Variants in COL4A2 observed in about 807,000 individuals in gnomAD.
COL4A2 encodes the protein collagen alpha-2(IV) chain.
In COL4A2, 99 loss-of-function variants were observed where a neutral mutation model predicts 200.2. The ratio of observed to expected loss-of-function variants is 0.49; its 90% CI spans 0.42 to 0.58. The LOEUF (loss-of-function observed/expected upper bound fraction) is 0.58, where lower values mean the gene tolerates loss of function less well. COL4A2 is among the 20% of genes least tolerant of loss of function. The pLI is 0.00. For synonymous variants in COL4A2, 897 were observed against 900.6 expected, an observed-to-expected ratio of 1.00 and a Z score of 0.07; for missense variants, 1,950 against 2,314.1, an observed-to-expected ratio of 0.84 and a Z score of 3.23.
intron 26 of COL4A2, 132 bp from the exon 27 acceptor site, chr13:110,466,908 C>A: frequency 1.8e-6 from 2 of 1,092,428 alleles, no homozygotes; most frequent in South Asian, 1.5e-5. Context: ...TGAATTAAAT[C>A]ATTAAGTTAC....
intron 4 of COL4A2, among the ~76,000 whole-genome samples, chr13:110,424,517 A>G (rs1451593165): frequency 7.2e-6 from 1 of 139,462 alleles, no homozygotes; most frequent in East Asian, 2.2e-4. Context: ...GTAATTTAGG[A>G]TAATTTTTTT....
At chr13:110,394,901 G>T (rs1000861299) in intron 4 of COL4A2, among the ~76,000 whole-genome samples, 3 of 152,144 alleles carry the variant, frequency 2.0e-5, no homozygotes. Context: ...TTTCAATTCA[G>T]AACAAATTCA....
chr13:110,438,121 G>C (rs901394991), intron 14 of COL4A2, 84 bp downstream of exon 14: 22 of 1,134,148 alleles, frequency 1.9e-5, no homozygotes, highest in Non-Finnish European at 2.6e-5. Context: ...TGCACCATGC[G>C]CTCGGGGCCC....
At chr13:110,399,270 C>G (rs1879289362) in intron 4 of COL4A2, among the ~76,000 whole-genome samples, 1 of 152,206 alleles carries the variant, frequency 6.6e-6, no homozygotes, top group African/African-American at 2.4e-5. Flanking sequence ...AAATCTTGTT[C>G]CTCCCGTAAG....
chr13:110,368,850 G>C (rs774148046), intron 4 of COL4A2, among the ~76,000 whole-genome samples: 2 of 814 alleles, frequency 2.5e-3, no homozygotes, highest in East Asian at 0.077. Flanking sequence ...CAAAGAAAAG[G>C]GGGGGGGGGG....
Position 110,478,075 on chromosome 13 carries a change from G to A in COL4A2, c.2498G>A (p.Gly833Asp). 1 of 1,609,216 alleles carries A rather than the reference G, an allele frequency of 6.2e-7. No homozygotes were observed. Among genetic ancestry groups the A allele is most frequent in the Non-Finnish European group, 8.5e-7 (1 of 1,177,212 alleles). ...PGLPGPSGQP[G>D]LYGPPGLHGF... ...CTCCCAGGACCTTCCGGCCAGCCAG[G>A]CCTGTATGGGCCTCCAGGACTGCAT... Residue 833 changes from glycine (G) to aspartate (D), a missense_variant, in exon 30 of 48, where the codon GGC becomes GAC. Gly to Asp is a moderately conservative substitution (Grantham distance 94, BLOSUM62 -1). Coordinates refer to ENST00000360467, the MANE Select transcript of COL4A2 (RefSeq NM_001846.4).
rs112023853 is a variant in COL4A2 at position 110,456,335 on chromosome 13, T to A, written c.1340-1008T>A. 2.9e-3 allele frequency: 752 copies of A among 256,424 alleles called. 2 individuals carry two copies. Among genetic ancestry groups the A allele is most frequent in the African/African-American group, 0.015 (637 of 43,062 alleles). 15.9% of individuals were successfully genotyped at this position (256,424 alleles called of 1,614,324 possible). On this transcript the variant is annotated intron_variant, in intron 20 of 47. Coordinates refer to ENST00000360467, the MANE Select transcript of COL4A2 (RefSeq NM_001846.4). ...TAAGGCATGAAAGAGGAAACAGTGT[T>A]CTGGAGGGATGCACACGTGTGCCCC...
At chr13:110,506,850 G>T (rs937225234) in intron 46 of COL4A2, among the ~76,000 whole-genome samples, 30 of 152,122 alleles carry the variant, frequency 2.0e-4, no homozygotes. Flanking sequence ...ATTGACTTCC[G>T]CAGGCTCCCA....
intron 40 of COL4A2, among the ~76,000 whole-genome samples, chr13:110,501,248 T>C (rs1021849125): frequency 5.3e-5 from 8 of 152,230 alleles, no homozygotes; most frequent in African/African-American, 7.2e-5. Flanking sequence ...GTGATGTCAA[T>C]TGTAAGCCTC....
intron 10 of COL4A2, chr13:110,430,904 C>A: frequency 8.3e-6 from 5 of 605,098 alleles, no homozygotes; most frequent in South Asian, 7.1e-5. Context: ...CAGTGACAGA[C>A]AGCCCATCAT....
chr13:110,467,570 GCC>G (rs530259222), intron 27 of COL4A2, among the ~76,000 whole-genome samples: 57 of 152,344 alleles, frequency 3.7e-4, no homozygotes, highest in African/African-American at 1.3e-3. Context: ...CTATCTGCTG[GCC>G]CAGGCCATCT....
chr13:110,314,531 T>G (rs1177609884), intron 3 of COL4A2, among the ~76,000 whole-genome samples: 1 of 152,210 alleles, frequency 6.6e-6, no homozygotes, highest in Non-Finnish European at 1.5e-5. Flanking sequence ...TGGAGTCATT[T>G]GTGAAGACGG....
intron 3 of COL4A2, among the ~76,000 whole-genome samples, chr13:110,351,856 A>G (rs961875323): frequency 6.6e-6 from 1 of 152,146 alleles, no homozygotes; most frequent in African/African-American, 2.4e-5. Context: ...TCCTTCCATG[A>G]TTTGGAATTT....
intron 21 of COL4A2, chr13:110,458,032 G>C (rs2139492228): frequency 1.1e-5 from 5 of 439,350 alleles, no homozygotes; most frequent in Non-Finnish European, 1.9e-5. Flanking sequence ...TGTGGTGCAG[G>C]CTGTGCTCCT....
chr13:110,349,013 T>C (rs551991883), intron 3 of COL4A2, among the ~76,000 whole-genome samples: 1 of 152,348 alleles, frequency 6.6e-6, no homozygotes, highest in East Asian at 1.9e-4. Flanking sequence ...TTGAGAACAA[T>C]GACCAGCATT....
chr13:110,318,530 A>G lies in COL4A2; in HGVS notation c.99+10407A>G, dbSNP rs77292508. On this transcript the variant is annotated intron_variant, in intron 3 of 47. Transcript: ENST00000360467. ...GCCCCCACTCACCCTGCTCACAGGA[A>G]ATGTCAGGACTCAGGCATGGGCCCC... 8.9e-3 allele frequency among the ~76,000 whole-genome samples: 1,354 copies of G among 152,244 alleles called. 21 individuals are homozygous for G. The highest frequency in any genetic ancestry group is 0.031 in the African/African-American group (1,293 of 41,542).
At chr13:110,500,238 T>G (rs547198681) in intron 40 of COL4A2, among the ~76,000 whole-genome samples, 30 of 152,348 alleles carry the variant, frequency 2.0e-4, no homozygotes, top group African/African-American at 7.0e-4. Flanking sequence ...TTTTCTCATT[T>G]TTATAGATTT....
At chr13:110,484,196 C>T (rs1215339334) in intron 32 of COL4A2, among the ~76,000 whole-genome samples, 2 of 152,114 alleles carry the variant, frequency 1.3e-5, no homozygotes, top group African/African-American at 4.8e-5. Flanking sequence ...GGGTGTCTGT[C>T]CCTCCACTGG....
intron 3 of COL4A2, chr13:110,328,484 A>G (rs1296556851): frequency 4.6e-5 from 7 of 152,230 alleles, no homozygotes; most frequent in African/African-American, 1.2e-4. Context: ...CGAGCATTTT[A>G]CTGTCTTTCT....
Sources: gnomAD v4.1 joint callset for allele counts (sites outside exome capture counted in the v4.1 genomes callset) on GRCh38, gnomAD v4.1.1 for gene constraint, MANE v1.5 for transcripts, NCBI Gene and HGNC (gene_info 2026-07-23, HGNC 2026-07-21) for gene names.